The following MEGF11 variants were observed in gnomAD, a reference collection of about 807,000 sequenced individuals.
The protein encoded by MEGF11 is multiple epidermal growth factor-like domains protein 11.
MEGF11 carries 126 observed loss-of-function variants against 146.6 expected under a neutral mutation model. The observed-to-expected ratio is 0.86, with a 90% CI of 0.74 to 1.00. The LOEUF (loss-of-function observed/expected upper bound fraction) is 1.00, where lower values mean the gene tolerates loss of function less well. MEGF11 is among the 50% of genes least tolerant of loss of function. MEGF11 has a pLI of 0.00. For missense variants in MEGF11, 1,509 were observed against 1,521.2 expected, an observed-to-expected ratio of 0.99 and a Z score of 0.13; for synonymous variants, 532 against 583.4, an observed-to-expected ratio of 0.91 and a Z score of 1.27.
intron 24 of MEGF11, chr15:65,901,739 A>T (rs1281765593): frequency 6.6e-6 from 1 of 151,996 alleles, no homozygotes; most frequent in African/African-American, 2.4e-5. Flanking sequence ...TCAACTGCAT[A>T]TTTTCTAACA....
At chr15:66,200,452 T>A (rs1228807132) in intron 1 of MEGF11, among the ~76,000 whole-genome samples, 1 of 152,234 alleles carries the variant, frequency 6.6e-6, no homozygotes, top group Non-Finnish European at 1.5e-5. Context: ...CTCTAGGGGA[T>A]AATCAGGTAT....
chr15:66,163,991 C>G (rs1319925976), intron 1 of MEGF11, among the ~76,000 whole-genome samples: 1 of 152,200 alleles, frequency 6.6e-6, no homozygotes, highest in African/African-American at 2.4e-5. Flanking sequence ...CTCACCCAAG[C>G]CGCCAAACCT....
intron 5 of MEGF11, among the ~76,000 whole-genome samples, chr15:66,033,078 C>CAAAAA (rs60932678): frequency 1.2e-5 from 1 of 80,644 alleles, no homozygotes; most frequent in African/African-American, 5.4e-5. Flanking sequence ...GAGACTCCAT[C>CAAAAA]AAAAAAAAAA....
chr15:66,204,173 A>G (rs1367589973), intron 1 of MEGF11, among the ~76,000 whole-genome samples: 1 of 152,140 alleles, frequency 6.6e-6, no homozygotes, highest in Non-Finnish European at 1.5e-5. Flanking sequence ...AGGCTGAGAC[A>G]GGCAGATCGC....
rs575782786 is a variant in MEGF11, at chr15:66,156,748, C to A, written c.-8-28337G>T. ...CCTCCCTAGTCTGGTGAACTCACAG[C>A]TGCACCATCTCTGGGTGGACCTATA... On this transcript the variant is annotated intron_variant, in intron 1 of 25. Coordinates refer to ENST00000395614, the MANE Select transcript of MEGF11 (RefSeq NM_001385028.1). Among the ~76,000 whole-genome samples, 9 of 152,330 alleles carry A rather than the reference C, an allele frequency of 5.9e-5. No individual in the cohort carries two copies. In the East Asian group the frequency reaches 1.7e-3, roughly 29 times the overall value.
At chr15:66,077,198 A>AC (rs1022254057) in intron 5 of MEGF11, among the ~76,000 whole-genome samples, 3 of 152,050 alleles carry the variant, frequency 2.0e-5, no homozygotes, top group African/African-American at 7.2e-5. Context: ...CTTCAACCAC[A>AC]CTGACCTGCT....
At chr15:65,921,234 A>C (rs148502849) in intron 15 of MEGF11, among the ~76,000 whole-genome samples, 1 of 152,230 alleles carries the variant, frequency 6.6e-6, no homozygotes, top group Non-Finnish European at 1.5e-5. Context: ...AGTCCAGATG[A>C]GATTTCTTGC....
At chr15:66,085,365 C>T (rs909919649) in intron 5 of MEGF11, among the ~76,000 whole-genome samples, 7 of 152,162 alleles carry the variant, frequency 4.6e-5, no homozygotes, top group African/African-American at 1.7e-4. Context: ...GGCAAGAGGC[C>T]AACCAGCACA....
chr15:66,139,869 G>A (rs559298635), intron 1 of MEGF11, among the ~76,000 whole-genome samples: 3 of 152,308 alleles, frequency 2.0e-5, no homozygotes, highest in African/African-American at 7.2e-5. Flanking sequence ...GAGGAAGTCA[G>A]GGGGACTTGA....
intron 10 of MEGF11, among the ~76,000 whole-genome samples, chr15:65,932,078 A>C (rs1567163578): frequency 6.6e-6 from 1 of 152,226 alleles, no homozygotes; most frequent in African/African-American, 2.4e-5. Flanking sequence ...CGATGAGAAT[A>C]ATCCCGATAA....
chr15:66,023,264 C>G (rs1268357260), intron 5 of MEGF11, among the ~76,000 whole-genome samples: 1 of 152,176 alleles, frequency 6.6e-6, no homozygotes, highest in African/African-American at 2.4e-5. Flanking sequence ...GCTTCTTGCT[C>G]TGAATTCCAG....
intron 5 of MEGF11, among the ~76,000 whole-genome samples, chr15:66,065,141 G>A (rs2085070214): frequency 6.6e-6 from 1 of 152,178 alleles, no homozygotes; most frequent in African/African-American, 2.4e-5. Flanking sequence ...GGAGGGGGAT[G>A]CACCCATTGT....
intron 5 of MEGF11, among the ~76,000 whole-genome samples, chr15:66,032,997 C>T (rs376766485): frequency 1.6e-4 from 23 of 140,188 alleles, no homozygotes; most frequent in African/African-American, 3.5e-4. Context: ...AGGAGAATGG[C>T]GTGAACCTGG....
intron 5 of MEGF11, among the ~76,000 whole-genome samples, chr15:66,027,436 C>A (rs144005701): frequency 7.4e-4 from 112 of 152,356 alleles, no homozygotes; most frequent in African/African-American, 2.7e-3. Flanking sequence ...GCAGGGCCAC[C>A]TGAAACTCAT....
At chr15:66,152,403 A>G (rs2141041778) in intron 1 of MEGF11, among the ~76,000 whole-genome samples, 1 of 152,220 alleles carries the variant, frequency 6.6e-6, no homozygotes, top group East Asian at 1.9e-4. Context: ...CCTCTCACTG[A>G]TTCGGGACTT....
At chr15:66,151,465 G>A (rs2126697) in intron 1 of MEGF11, among the ~76,000 whole-genome samples, 2,390 of 152,222 alleles carry the variant, frequency 0.016, 56 homozygotes, top group African/African-American at 0.055. Flanking sequence ...CACCAGTCAC[G>A]GACAGATCCC....
intron 1 of MEGF11, among the ~76,000 whole-genome samples, chr15:66,172,534 C>T (rs2090288871): frequency 6.6e-6 from 1 of 152,160 alleles, no homozygotes; most frequent in Admixed American, 6.5e-5. Flanking sequence ...CTACCACAGG[C>T]TGCCTGTGTC....
intron 15 of MEGF11, among the ~76,000 whole-genome samples, chr15:65,919,039 T>C (rs532338916): frequency 3.3e-5 from 5 of 152,304 alleles, no homozygotes; most frequent in Admixed American, 6.5e-5. Flanking sequence ...TTCTTGAAGA[T>C]ACATGACTTC....
intron 10 of MEGF11, among the ~76,000 whole-genome samples, chr15:65,931,824 C>T (rs1025454950): frequency 6.6e-6 from 1 of 152,230 alleles, no homozygotes; most frequent in African/African-American, 2.4e-5. Context: ...GTGCCATACA[C>T]ACTATCTCAT....
Sources: gnomAD v4.1 joint callset for allele counts (sites outside exome capture counted in the v4.1 genomes callset) on GRCh38, gnomAD v4.1.1 for gene constraint, MANE v1.5 for transcripts, NCBI Gene and HGNC (gene_info 2026-07-23, HGNC 2026-07-21) for gene names.